Variants in WRN observed in about 807,000 individuals in gnomAD.
WRN encodes bifunctional 3'-5' exonuclease/ATP-dependent helicase WRN.
In WRN, 149 loss-of-function variants were observed where a neutral mutation model predicts 180.7. The ratio of observed to expected loss-of-function variants is 0.82; its 90% CI spans 0.72 to 0.94. WRN has a LOEUF of 0.94. WRN is among the 40% of genes least tolerant of loss of function. WRN has a pLI of 0.00. For missense variants in WRN, 1,661 were observed against 1,700.1 expected, an observed-to-expected ratio of 0.98 and a Z score of 0.40; for synonymous variants, 548 against 568.9, an observed-to-expected ratio of 0.96 and a Z score of 0.52.
In WRN at chr8:31,081,083, T is replaced by C; in HGVS notation, c.1056T>C (p.Asp352=). Residue 352 remains aspartate, a synonymous_variant, in exon 9 of 35, where the codon GAT becomes GAC. Coordinates refer to ENST00000298139, the MANE Select transcript of WRN (RefSeq NM_000553.6). The part of the protein sequence containing the change: ...VEDETWDPTL[D]HLAKHDGEDV... ...ATGAAACATGGGACCCAACACTTGATCATTTAGCTAAACATGATGGAGAAG... is the reference window on the plus strand; with the variant it reads ...ATGAAACATGGGACCCAACACTTGACCATTTAGCTAAACATGATGGAGAAG... 2 of 1,614,034 alleles carry C rather than the reference T, an allele frequency of 1.2e-6. No homozygotes were observed. Among genetic ancestry groups the C allele is most frequent in the Non-Finnish European group, 1.7e-6 (2 of 1,179,976 alleles).
intron 28 of WRN, among the ~76,000 whole-genome samples, chr8:31,145,503 T>A (rs1802823317): frequency 6.6e-6 from 1 of 152,330 alleles, no homozygotes; most frequent in African/African-American, 2.4e-5. Flanking sequence ...CAAAATGTTA[T>A]TGCTCATTGA....
rs761354888 is a variant in WRN, at chr8:31,147,433, A to G, written c.3529A>G (p.Ile1177Val). 1 of 1,614,108 alleles carries G rather than the reference A, an allele frequency of 6.2e-7. No individual in the cohort carries two copies. The highest frequency in any genetic ancestry group is 8.5e-7 in the Non-Finnish European group (1 of 1,179,978). Residue 1177 changes from isoleucine (I) to valine (V), a missense_variant, in exon 30 of 35, where the codon ATT becomes GTT. Physicochemically the swap from Ile to Val is conservative, Grantham distance 29. This residue lies in a region of WRN where 1,141 missense variants were observed against 1,149.4 expected (regional missense o/e 0.99). Transcript: ENST00000298139. ...HANKMDVPPA[I>V]LATNKILVDM... is the part of the protein sequence containing the mutation. The stretch of plus-strand genomic sequence containing the variant: ...CAATAAAATGGATGTTCCCCCAGCT[A>G]TTCTGGCAACAAACAAGATACTGGT...
chr8:31,068,069 C>T (rs965031397), intron 6 of WRN, among the ~76,000 whole-genome samples, 189 bp from the exon 7 acceptor site: 30 of 152,118 alleles, frequency 2.0e-4, no homozygotes, highest in Admixed American at 6.6e-4. Flanking sequence ...GGCTCAGGCA[C>T]CTTTCTCAAT....
intron 32 of WRN, among the ~76,000 whole-genome samples, chr8:31,156,512 A>G (rs549075894): frequency 2.9e-4 from 44 of 152,342 alleles, no homozygotes; most frequent in African/African-American, 9.6e-4. Flanking sequence ...ACACTTTTCT[A>G]GTAGACATTT....
rs139635161 is a variant in WRN at position 31,036,475 on chromosome 8, C to T, written c.-77+2502C>T. ...TAATAATTTACATTCCCACCAACAG[C>T]GAGGAAGGAGTTCCCTTTTCTCCAC... On this transcript the variant is annotated intron_variant, in intron 1 of 34. Coordinates refer to ENST00000298139, the MANE Select transcript of WRN (RefSeq NM_000553.6). Among the ~76,000 whole-genome samples, 546 of 152,268 alleles carry T rather than the reference C, an allele frequency of 3.6e-3. 3 individuals carry two copies. Among genetic ancestry groups the T allele is most frequent in the African/African-American group, 0.013 (524 of 41,566 alleles).
chr8:31,151,535 T>C (rs945184836), intron 31 of WRN, among the ~76,000 whole-genome samples: 17 of 152,328 alleles, frequency 1.1e-4, no homozygotes, highest in South Asian at 2.1e-4. Flanking sequence ...GGAAATGAAA[T>C]TATAATGTCT....
chr8:31,152,772 C>T (rs6988789), intron 31 of WRN, among the ~76,000 whole-genome samples: 8,938 of 152,242 alleles, frequency 0.059, 303 homozygotes, highest in Non-Finnish European at 0.068. Flanking sequence ...GGTGCAATCC[C>T]TCATGCCTGT....
chr8:31,147,612 G>T lies in WRN; in HGVS notation c.3572+136G>T. On this transcript the variant is annotated intron_variant, in intron 30 of 34. Transcript: ENST00000298139. ...TGACTCAGATTCCCCCTGCTGCGAT[G>T]CTTATCTCTTTGCCAAGCTTTAGTA... The T allele has an allele frequency of 3.8e-6, 3 of 799,294 alleles. 1 individual carries two copies. The South Asian group carries it at 4.5e-5, about 12-fold the overall frequency. 49.5% of individuals were successfully genotyped at this position (799,294 alleles called of 1,614,324 possible). A position where few individuals can be genotyped will look rare whatever the true frequency, so the allele number is the denominator to read the frequency against.
chr8:31,100,920 A>T lies in WRN; in HGVS notation c.2053A>T (p.Arg685Trp). 6.2e-7 allele frequency: 1 copy of T among 1,613,940 alleles called. No homozygotes were observed. The highest frequency in any genetic ancestry group is 1.1e-5 in the South Asian group (1 of 91,064). The part of the protein sequence containing the change: ...EWGHDFRDSF[R>W]KLGSLKTALP... ...GGGGCATGATTTTAGGGATTCATTC[A>T]GGAAGTTGGGCTCCCTAAAGACAGC... The change falls in exon 18 of 35, where the codon AGG (arginine) becomes TGG (tryptophan). Residue 685 changes from arginine to tryptophan, a missense_variant. Arg to Trp is a moderately radical substitution (Grantham distance 101). Coordinates refer to ENST00000298139, the MANE Select transcript of WRN (RefSeq NM_000553.6).
chr8:31,143,700 T>C, intron 28 of WRN, 77 bp downstream of exon 28: 30 of 1,053,128 alleles, frequency 2.8e-5, no homozygotes, highest in Non-Finnish European at 4.0e-5. Context: ...AACTGTCAGA[T>C]GTTGGGCTAT....
intron 21 of WRN, among the ~76,000 whole-genome samples, chr8:31,123,687 T>A (rs1157434915): frequency 1.3e-5 from 2 of 152,110 alleles, no homozygotes; most frequent in Non-Finnish European, 2.9e-5. Flanking sequence ...CCTTAGATAT[T>A]ATAAGTAAAT....
chr8:31,064,433 A>G lies in WRN; in HGVS notation c.354A>G (p.Ser118=). 1 of 1,614,088 alleles carries G rather than the reference A, an allele frequency of 6.2e-7. No individual in the cohort carries two copies. The highest frequency in any genetic ancestry group is 8.5e-7 in the Non-Finnish European group (1 of 1,179,988). ...KCYLFHVSSM[S]VFPQGLKMLL... ...ACTTGTTCCACGTTTCTTCCATGTC[A>G]GGTTGGTATCTCTACATTTCATTTT... Residue 118 remains serine, a splice_region_variant and synonymous_variant, in exon 4 of 35, where the codon TCA becomes TCG. Coordinates refer to ENST00000298139, the MANE Select transcript of WRN (RefSeq NM_000553.6).
At chr8:31,047,918 G>A (rs1332123809) in intron 1 of WRN, among the ~76,000 whole-genome samples, 1 of 152,202 alleles carries the variant, frequency 6.6e-6, no homozygotes. Context: ...GTCAAGTGAT[G>A]TTCCTGGTTT....
chr8:31,139,079 A>G (rs552324496), intron 24 of WRN, among the ~76,000 whole-genome samples: 1 of 152,304 alleles, frequency 6.6e-6, no homozygotes, highest in Non-Finnish European at 1.5e-5. Flanking sequence ...ACATTTATGT[A>G]TGTCGTTCTT....
chr8:31,117,349 A>G (rs937390850), intron 20 of WRN, among the ~76,000 whole-genome samples: 1 of 152,170 alleles, frequency 6.6e-6, no homozygotes, highest in Non-Finnish European at 1.5e-5. Flanking sequence ...GTGTTTTTAA[A>G]TAAGATAATA....
Position 31,058,360 on chromosome 8 carries a change from ACTACCTCTCAGTTTTCTTT to A in WRN, c.-76-10_-68del, listed in dbSNP as rs1247399886. The A allele has an allele frequency of 9.2e-7, 1 of 1,092,288 alleles. No homozygotes were observed. The highest frequency in any genetic ancestry group is 1.9e-5 in the Admixed American group (1 of 51,284). The allele number at this position is 1,092,288 out of a possible 1,614,324, so 67.7% of individuals were successfully genotyped here. On this transcript the variant is annotated splice_acceptor_variant and splice_polypyrimidine_tract_variant and 5_prime_UTR_variant and intron_variant, in exon 2 of 35. Coordinates refer to ENST00000298139, the MANE Select transcript of WRN (RefSeq NM_000553.6). LOFTEE classifies it low-confidence loss of function (5UTR_SPLICE). ...TTTGGTTTTCATTCATATTGACAGTACTACCTCTCAGTTTTCTTTCAGATATTGTTTTGTATTTACCCAT... is the reference window on the plus strand; with the variant it reads ...TTTGGTTTTCATTCATATTGACAGTACAGATATTGTTTTGTATTTACCCAT...
intron 34 of WRN, among the ~76,000 whole-genome samples, chr8:31,170,915 A>C (rs1253942978): frequency 6.6e-6 from 1 of 152,222 alleles, no homozygotes; most frequent in East Asian, 1.9e-4. Context: ...GATCATATTT[A>C]TAGAAATATA....
chr8:31,125,057 C>A, intron 23 of WRN, 57 bp downstream of exon 23: 1 of 1,508,186 alleles, frequency 6.6e-7, no homozygotes, highest in South Asian at 1.2e-5. Context: ...TCTTCCTTTT[C>A]ATGTTTAACT....
At chr8:31,090,364 A>G (rs376457948) in intron 13 of WRN, 101 bp from the exon 14 acceptor site, 1 of 1,181,966 alleles carries the variant, frequency 8.5e-7, no homozygotes, top group South Asian at 1.3e-5. Flanking sequence ...AAGTTTGAAA[A>G]TAAATTCTAT....
Sources: allele counts gnomAD v4.1 joint callset (sites outside exome capture counted in the v4.1 genomes callset), GRCh38; gene constraint gnomAD v4.1.1; regional missense constraint gnomAD v4.1.1; transcripts MANE v1.5; gene names NCBI Gene and HGNC (gene_info 2026-07-23, HGNC 2026-07-21).